IPO9: variants seen among roughly 807,000 people sequenced by gnomAD.
IPO9 encodes importin-9.
Under a neutral mutation model 128.6 loss-of-function variants are expected in IPO9, and 28 were observed. That is an observed-to-expected ratio of 0.22 (90% CI 0.16 to 0.30). The LOEUF is 0.30. Ranked by LOEUF, IPO9 falls within the 10% of genes least tolerant of loss-of-function variation. IPO9 has a pLI of 1.00. For synonymous variants in IPO9, 455 were observed against 475.8 expected (o/e 0.96, Z 0.57); for missense variants, 935 against 1,293.9 (o/e 0.72, Z 4.26).
Position 201,847,291 on chromosome 1 carries a change from A to C in IPO9, c.176A>C (p.His59Pro). ...VLEVTEEFGVHLAELTVDPQG... is the reference protein window; with the variant it reads ...VLEVTEEFGVPLAELTVDPQG... The stretch of plus-strand genomic sequence containing the variant: ...TTTTCTCTTTCAGAATTTGGTGTTC[A>C]CTTGGCAGAACTGACTGTAGATCCC... The change falls in exon 2 of 24, where the codon CAC (histidine) becomes CCC (proline). Residue 59 changes from histidine to proline, a missense_variant. Around this residue, in one of 3 missense-constraint regions of IPO9, gnomAD observed 741 missense variants for 1,019.1 expected, o/e 0.73. Transcript: ENST00000361565. 4 of 1,613,970 alleles carry C rather than the reference A, an allele frequency of 2.5e-6. No individual in the cohort carries two copies. The highest frequency in any genetic ancestry group is 3.4e-6 in the Non-Finnish European group (4 of 1,179,890).
chr1:201,863,614 A>T lies in IPO9; in HGVS notation c.1628+7A>T. On this transcript the variant is annotated splice_region_variant and intron_variant, in intron 14 of 23. Transcript: ENST00000361565. ...CAGTGAGAGCCATCTGGGGGTGAGT[A>T]TGCTACCCTAGCGTGATAATTAAGG... is the stretch of plus-strand genomic sequence containing the variant. The T allele has an allele frequency of 6.3e-7, 1 of 1,577,612 alleles. No homozygotes were observed. The highest frequency in any genetic ancestry group is 2.3e-5 in the East Asian group (1 of 44,046).
At chr1:201,847,498 A>T in intron 2 of IPO9, 54 bp from the exon 3 acceptor site, 21 of 1,486,450 alleles carry the variant, frequency 1.4e-5, no homozygotes, top group Non-Finnish European at 2.0e-5. Context: ...TATAGTTTTT[A>T]TGTGTGAAAA....
At chr1:201,857,949 G>C (rs1019361522) in intron 11 of IPO9, among the ~76,000 whole-genome samples, 11 of 152,186 alleles carry the variant, frequency 7.2e-5, no homozygotes, top group Non-Finnish European at 1.6e-4. Context: ...CTTCTGACTA[G>C]AGCATAGAGT....
Position 201,876,009 on chromosome 1 carries a change from C to A in IPO9, c.3081C>A (p.His1027Gln). The change falls in exon 24 of 24, where the codon CAC becomes CAA. Residue 1027 changes from histidine to glutamine, a missense_variant. Around this residue, in one of 3 missense-constraint regions of IPO9, gnomAD observed 188 missense variants for 246.7 expected, o/e 0.76. Coordinates refer to ENST00000361565, the MANE Select transcript of IPO9 (RefSeq NM_018085.5). Reference protein sequence around the residue: ...QQPCYIMFSGHLNDNERRVLQ... With the variant: ...QQPCYIMFSGQLNDNERRVLQ... ...CCTGCTACATAATGTTTTCAGGCCA[C>A]CTTAATGACAATGAGAGGCGAGTTC... The A allele has an allele frequency of 6.2e-7, 1 of 1,613,984 alleles. No homozygotes were observed. Among genetic ancestry groups the A allele is most frequent in the Non-Finnish European group, 8.5e-7 (1 of 1,179,826 alleles).
intron 13 of IPO9, among the ~76,000 whole-genome samples, chr1:201,861,347 T>C (rs1680444348): frequency 6.6e-6 from 1 of 152,198 alleles, no homozygotes; most frequent in Non-Finnish European, 1.5e-5. Context: ...GCAATATGCA[T>C]TTAGTAGAAA....
intron 1 of IPO9, 47 bp downstream of exon 1, chr1:201,829,419 G>T: frequency 6.7e-7 from 1 of 1,487,876 alleles, no homozygotes; most frequent in Non-Finnish European, 9.0e-7. Context: ...CGCACAATCC[G>T]CTGACCGCAG....
At chr1:201,850,400 A>G (rs1202905606) in intron 4 of IPO9, 1 of 152,218 alleles carries the variant, frequency 6.6e-6, no homozygotes, top group Non-Finnish European at 1.5e-5. Context: ...AAGATACTAT[A>G]CCAGTTTCCC....
intron 6 of IPO9, among the ~76,000 whole-genome samples, chr1:201,854,375 A>G (rs1021550106): frequency 6.6e-6 from 1 of 152,224 alleles, no homozygotes; most frequent in Admixed American, 6.5e-5. Context: ...GTCTTACATA[A>G]TAGTTTTTAA....
chr1:201,878,665 CTTAA>C lies in IPO9; in HGVS notation c.*2614_*2617del, dbSNP rs1290101787. Reference sequence around the variant, plus strand: ...TCTTGGACCCCTCGATGTGCAGGTACTTAATTGTGTTTCCAGTGCATTTTCATAT... The same window carrying C: ...TCTTGGACCCCTCGATGTGCAGGTACTTGTGTTTCCAGTGCATTTTCATAT... On this transcript the variant is annotated 3_prime_UTR_variant, in exon 24 of 24. Coordinates refer to ENST00000361565, the MANE Select transcript of IPO9 (RefSeq NM_018085.5). 1 of 152,342 alleles carries C rather than the reference CTTAA, an allele frequency of 6.6e-6. No individual in the cohort carries two copies. The highest frequency in any genetic ancestry group is 1.5e-5 in the Non-Finnish European group (1 of 68,060). The allele number at this position is 152,342 out of a possible 1,614,324, so 9.4% of individuals were successfully genotyped here.
chr1:201,874,386 T>C lies in IPO9; in HGVS notation c.2833+14T>C. The C allele has an allele frequency of 6.2e-7, 1 of 1,604,754 alleles. No homozygotes were observed. Among genetic ancestry groups the C allele is most frequent in the Non-Finnish European group, 8.5e-7 (1 of 1,174,792 alleles). ...AGTGGAGTCAAGGTGCACCAGGCCC[T>C]TACTCCCAGGAGACTTTTAGCCTGG... On this transcript the variant is annotated intron_variant, in intron 21 of 23. Coordinates refer to ENST00000361565, the MANE Select transcript of IPO9 (RefSeq NM_018085.5).
chr1:201,853,972 G>A (rs537784867), intron 6 of IPO9, among the ~76,000 whole-genome samples: 14 of 152,236 alleles, frequency 9.2e-5, no homozygotes, highest in East Asian at 3.9e-4. Flanking sequence ...TCTTGACCTC[G>A]TGATCCACCC....
rs1680783777 is a variant in IPO9, at chr1:201,877,349, A to G, written c.*1295A>G. On this transcript the variant is annotated 3_prime_UTR_variant, in exon 24 of 24. Transcript: ENST00000361565. Reference sequence around the variant, plus strand: ...AACCTGCATTTCTACTAAAAATACAAAAATTAGCTGGGCATGGTGGTGCAT... The same window carrying G: ...AACCTGCATTTCTACTAAAAATACAGAAATTAGCTGGGCATGGTGGTGCAT... 6.6e-6 allele frequency: 1 copy of G among 152,212 alleles called. No homozygotes were observed. Among genetic ancestry groups the G allele is most frequent in the Non-Finnish European group, 1.5e-5 (1 of 68,048 alleles). 9.4% of individuals were successfully genotyped at this position (152,212 alleles called of 1,614,324 possible).
chr1:201,835,903 A>T (rs907022403), intron 1 of IPO9, among the ~76,000 whole-genome samples: 8 of 152,084 alleles, frequency 5.3e-5, no homozygotes, highest in Non-Finnish European at 1.0e-4. Flanking sequence ...CAAGGTCAGG[A>T]GATCAAGACC....
At chr1:201,867,965 A>G (rs768466034) in intron 15 of IPO9, among the ~76,000 whole-genome samples, 13 of 152,204 alleles carry the variant, frequency 8.5e-5, no homozygotes, top group Admixed American at 2.0e-4. Context: ...TAATTTACCC[A>G]TTCTGTTAAT....
intron 5 of IPO9, among the ~76,000 whole-genome samples, chr1:201,852,701 G>A (rs1192605620): frequency 6.6e-6 from 1 of 152,130 alleles, no homozygotes; most frequent in African/African-American, 2.4e-5. Context: ...CATTTTAAAG[G>A]AAATATATTG....
chr1:201,847,407 A>G, intron 2 of IPO9, 67 bp downstream of exon 2: 1 of 1,484,686 alleles, frequency 6.7e-7, no homozygotes, highest in Non-Finnish European at 9.3e-7. Flanking sequence ...TTCTTATAGG[A>G]AAGAAAAATA....
chr1:201,869,780 G>C (rs112304249), intron 17 of IPO9, 62 bp downstream of exon 17: 1 of 1,534,408 alleles, frequency 6.5e-7, no homozygotes, highest in Non-Finnish European at 8.8e-7. Context: ...CTTATACTAT[G>C]CTGAGAAATC....
At position 201,871,376 on chromosome 1, in the gene IPO9, C is replaced by CTTTTTTTT. The variant is rs556986429; in HGVS notation, c.2576+72_2576+79dup. On this transcript the variant is annotated intron_variant, in intron 19 of 23. Transcript: ENST00000361565. ...GGGCATTCTGCCACCACTCATATTT[C>CTTTTTTTT]TTTTTTTTTTTTTTTTTTTTTTTTT... The CTTTTTTTT allele has an allele frequency of 1.0e-3, 154 of 149,300 alleles. 12 individuals are homozygous for CTTTTTTTT. Among genetic ancestry groups the CTTTTTTTT allele is most frequent in the African/African-American group, 5.9e-3 (89 of 14,958 alleles). 9.2% of individuals were successfully genotyped at this position (149,300 alleles called of 1,614,324 possible).
At chr1:201,873,357 A>G (rs1330802331) in intron 20 of IPO9, among the ~76,000 whole-genome samples, 2 of 149,794 alleles carry the variant, frequency 1.3e-5, no homozygotes, top group Admixed American at 1.3e-4. Flanking sequence ...AGGCAGGAGA[A>G]TCGCTTGAAC....
Sources: allele counts gnomAD v4.1 joint callset (sites outside exome capture counted in the v4.1 genomes callset), GRCh38; gene constraint gnomAD v4.1.1; regional missense constraint gnomAD v4.1.1; transcripts MANE v1.5; gene names NCBI Gene and HGNC (gene_info 2026-07-23, HGNC 2026-07-21).